MTCL1: variants seen among roughly 807,000 people sequenced by gnomAD.
The protein encoded by MTCL1 is microtubule cross-linking factor 1.
A neutral mutation model predicts 141.4 loss-of-function variants in MTCL1; 79 were observed. That is an observed-to-expected ratio of 0.56 (90% CI 0.47 to 0.67). The LOEUF (loss-of-function observed/expected upper bound fraction) is 0.67. Among genes scored for constraint, MTCL1 ranks in the 30% least tolerant of loss-of-function variants. The pLI, the probability that MTCL1 is intolerant of heterozygous loss-of-function variation, is 0.00. For missense variants in MTCL1, 2,177 were observed against 2,113.9 expected, an observed-to-expected ratio of 1.03 and a Z score of -0.59; for synonymous variants, 914 against 875.8, an observed-to-expected ratio of 1.04 and a Z score of -0.77.
At chr18:8,799,247 G>C (rs898043912) in intron 10 of MTCL1, among the ~76,000 whole-genome samples, 7 of 152,348 alleles carry the variant, frequency 4.6e-5, no homozygotes, top group Non-Finnish European at 8.8e-5. Context: ...AGCTCTAATG[G>C]GAGCACGCTG....
At chr18:8,816,535 GGA>G (rs1162162971) in intron 12 of MTCL1, among the ~76,000 whole-genome samples, 1 of 152,122 alleles carries the variant, frequency 6.6e-6, no homozygotes, top group Non-Finnish European at 1.5e-5. Flanking sequence ...AGACTTTTAT[GGA>G]GTCACACTAC....
At position 8,720,087 on chromosome 18, in the gene MTCL1, C is replaced by G. The variant is rs149857751; in HGVS notation, c.199-251C>G. ...GGGGGTTGGATACCAACTTTAGTGA[C>G]ACTAAGGTTAGCACGTTCTGATAAT... is the stretch of plus-strand genomic sequence containing the variant. On this transcript the variant is annotated intron_variant, in intron 3 of 16. Transcript: ENST00000359865. The G allele has an allele frequency of 1.8e-3, 693 of 387,442 alleles. 11 individuals are homozygous for G. In the East Asian group the frequency reaches 0.025, roughly 14 times the overall value. 24.0% of individuals were successfully genotyped at this position (387,442 alleles called of 1,614,324 possible). A position where few individuals can be genotyped will look rare whatever the true frequency, so the allele number is the denominator to read the frequency against.
intron 7 of MTCL1, among the ~76,000 whole-genome samples, chr18:8,791,694 T>C (rs1262881884): frequency 6.6e-6 from 1 of 152,104 alleles, no homozygotes; most frequent in Admixed American, 6.6e-5. Context: ...AAATTAGTCA[T>C]TGAGGTCAAT....
intron 4 of MTCL1, among the ~76,000 whole-genome samples, chr18:8,761,976 A>G (rs908677016): frequency 1.3e-5 from 2 of 152,230 alleles, no homozygotes; most frequent in East Asian, 3.8e-4. Flanking sequence ...TTCACTTAGC[A>G]TAATGTTTTC....
chr18:8,756,666 G>A (rs1195594369), intron 4 of MTCL1, among the ~76,000 whole-genome samples: 1 of 152,048 alleles, frequency 6.6e-6, no homozygotes, highest in African/African-American at 2.4e-5. Flanking sequence ...GCCTTTAAAG[G>A]TGAGGAAGAA....
chr18:8,824,765 G>C, exon 15 of MTCL1: 1 of 1,614,144 alleles, frequency 6.2e-7, no homozygotes, highest in Middle Eastern at 1.6e-4. Flanking sequence ...TCCTGCCTGA[G>C]AAGGGCCTGC....
intron 4 of MTCL1, among the ~76,000 whole-genome samples, chr18:8,737,047 TATG>T (rs2096278008): frequency 6.6e-6 from 1 of 152,226 alleles, no homozygotes; most frequent in South Asian, 2.1e-4. Flanking sequence ...TATTTGCTGC[TATG>T]TCTGACTCCA....
At position 8,796,591 on chromosome 18, in the gene MTCL1, T is replaced by C. The variant is rs2075930042; in HGVS notation, c.2241+129T>C. 6 of 955,706 alleles carry C rather than the reference T, an allele frequency of 6.3e-6. No individual in the cohort carries two copies. The East Asian group carries it at 1.6e-4, about 25-fold the overall frequency. 59.2% of individuals were successfully genotyped at this position (955,706 alleles called of 1,614,324 possible). On this transcript the variant is annotated intron_variant, in intron 9 of 16. Coordinates refer to ENST00000359865, the Ensembl canonical transcript of MTCL1. Reference sequence around the variant, plus strand: ...TATTTCTCAATATTTGGTTAACATCTAATATTGCAAAAAAGATGTAGAGCA... The same window carrying C: ...TATTTCTCAATATTTGGTTAACATCCAATATTGCAAAAAAGATGTAGAGCA...
chr18:8,715,954 T>G (rs1016026935), upstream of MTCL1, among the ~76,000 whole-genome samples: 5 of 152,208 alleles, frequency 3.3e-5, no homozygotes, highest in Non-Finnish European at 7.3e-5. Flanking sequence ...CCATTCTGTT[T>G]ATGTGTGTTC....
intron 4 of MTCL1, among the ~76,000 whole-genome samples, chr18:8,767,688 G>A (rs1432402196): frequency 6.6e-6 from 1 of 151,916 alleles, no homozygotes; most frequent in African/African-American, 2.4e-5. Context: ...GTTTAATGGA[G>A]GTGTGGGATG....
chr18:8,706,110 C>G (rs1164260763), exon 1 of MTCL1: 2 of 1,210,372 alleles, frequency 1.7e-6, no homozygotes, highest in Middle Eastern at 3.2e-4. Context: ...CTCCCGGAGC[C>G]GAGCCGCCGT....
chr18:8,717,782 A>G (rs1287996865), intron 1 of MTCL1: 1 of 491,260 alleles, frequency 2.0e-6, no homozygotes, highest in Non-Finnish European at 2.6e-6. Context: ...GTTCCCCTGT[A>G]TTCAGGGTGC....
chr18:8,725,790 C>CTTTTTTTTTCT (rs2096205266), intron 4 of MTCL1, among the ~76,000 whole-genome samples: 1 of 61,070 alleles, frequency 1.6e-5, no homozygotes, highest in Non-Finnish European at 2.8e-5. Context: ...TTTTTTTTTT[C>CTTTTTTTTTCT]TTTTTTTTTT....
chr18:8,732,736 G>A (rs1567954783), intron 4 of MTCL1, among the ~76,000 whole-genome samples: 1 of 152,222 alleles, frequency 6.6e-6, no homozygotes, highest in Non-Finnish European at 1.5e-5. Flanking sequence ...AAGCCCCAGA[G>A]AGAGGATGGA....
At position 8,783,515 on chromosome 18, in the gene MTCL1, G is replaced by T. The variant is rs764954478; in HGVS notation, c.418-15G>T. Reference sequence around the variant, plus strand: ...TTTCAAATAACCCTTCTCCCGGGCTGTTCTCTCCTGGCAGGATGACAGTGC... The same window carrying T: ...TTTCAAATAACCCTTCTCCCGGGCTTTTCTCTCCTGGCAGGATGACAGTGC... On this transcript the variant is annotated splice_polypyrimidine_tract_variant and intron_variant, in intron 5 of 16. Coordinates refer to ENST00000359865, the Ensembl canonical transcript of MTCL1. The T allele has an allele frequency of 6.3e-7, 1 of 1,580,542 alleles. No individual in the cohort carries two copies.
upstream of MTCL1, among the ~76,000 whole-genome samples, chr18:8,715,298 T>C (rs1230935864): frequency 1.3e-5 from 2 of 152,198 alleles, no homozygotes; most frequent in Non-Finnish European, 1.5e-5. Context: ...GTCTGAAAGC[T>C]AGAGACATTT....
chr18:8,731,057 A>G (rs1003936845), intron 4 of MTCL1, among the ~76,000 whole-genome samples: 6 of 151,986 alleles, frequency 3.9e-5, no homozygotes, highest in Non-Finnish European at 8.8e-5. Flanking sequence ...CATCCTGGCT[A>G]ACACGGTGAA....
chr18:8,784,646 C>T (rs1030278999), exon 6 of MTCL1: 9 of 1,613,848 alleles, frequency 5.6e-6, no homozygotes, highest in East Asian at 2.2e-5. Context: ...GCCCCAGCTG[C>T]TGGGGACCAT....
rs1251131455 is a variant in MTCL1, at chr18:8,829,358, G to A, written c.*18+394G>A. 31 of 985,256 alleles carry A rather than the reference G, an allele frequency of 3.1e-5. No homozygotes were observed. In the South Asian group the frequency reaches 8.9e-4, roughly 28 times the overall value. The allele number at this position is 985,256 out of a possible 1,614,324, so 61.0% of individuals were successfully genotyped here. A position where few individuals can be genotyped will look rare whatever the true frequency, so the allele number is the denominator to read the frequency against. ...GGACTGGTCAACATTTTGGTTATAC[G>A]TGCACTGGCATGTGCTGAAATGAGG... On this transcript the variant is annotated intron_variant, in intron 16 of 16. Coordinates refer to ENST00000359865, the Ensembl canonical transcript of MTCL1.
Sources: gnomAD v4.1 joint callset for allele counts (sites outside exome capture counted in the v4.1 genomes callset) on GRCh38, gnomAD v4.1.1 for gene constraint, MANE v1.5 for transcripts, NCBI Gene and HGNC (gene_info 2026-07-23, HGNC 2026-07-21) for gene names.